The following OPHN1 variants were observed in gnomAD, a reference collection of about 807,000 sequenced individuals.
OPHN1 encodes the protein oligophrenin-1.
A neutral mutation model predicts 60.7 loss-of-function variants in OPHN1; 11 were observed. The ratio of observed to expected loss-of-function variants is 0.18; its 90% CI spans 0.11 to 0.30. OPHN1 has a LOEUF of 0.30. Ranked by LOEUF, OPHN1 falls within the 10% of genes least tolerant of loss-of-function variation. The probability of loss-of-function intolerance (pLI) is 1.00; values close to 1 mark genes in which losing one functional copy is unlikely to be tolerated. For missense variants in OPHN1, 449 were observed against 611.0 expected (o/e 0.73, Z 2.80); for synonymous variants, 226 against 222.6 (o/e 1.02, Z -0.14).
chrX:68,068,230 G>A (rs2076920011), intron 20 of OPHN1, among the ~76,000 whole-genome samples: 1 of 110,399 alleles, frequency 9.1e-6, no homozygotes, highest in South Asian at 3.9e-4. Context: ...CCAGCACTTT[G>A]GGAGGCCGAG....
chrX:68,317,539 A>AAAGAAAG (rs796705961), intron 2 of OPHN1, among the ~76,000 whole-genome samples: 1 of 58,951 alleles, frequency 1.7e-5, no homozygotes, highest in Non-Finnish European at 2.7e-5. Context: ...AAGAAAGAAA[A>AAAGAAAG]AAAGAAAGAA....
chrX:68,206,508 T>C, intron 10 of OPHN1, 65 bp downstream of exon 10: 1 of 811,794 alleles, frequency 1.2e-6, no homozygotes, highest in Non-Finnish European at 1.9e-6. Flanking sequence ...TAGGTCAACA[T>C]ATATTCTTTT....
chrX:68,196,802 C>T (rs1355990460), intron 12 of OPHN1, among the ~76,000 whole-genome samples: 1 of 112,205 alleles, frequency 8.9e-6, no homozygotes, highest in Non-Finnish European at 1.9e-5. Flanking sequence ...TTATTTATAA[C>T]TATGGCAATT....
chrX:68,322,699 A>G (rs2078241336), intron 2 of OPHN1, among the ~76,000 whole-genome samples: 1 of 111,543 alleles, frequency 9.0e-6, no homozygotes, highest in Admixed American at 9.6e-5. Flanking sequence ...AGTCAGAAGA[A>G]TCGCTTGAAT....
intron 19 of OPHN1, among the ~76,000 whole-genome samples, chrX:68,094,051 G>C (rs1426578555): frequency 9.1e-6 from 1 of 110,462 alleles, no homozygotes; most frequent in Non-Finnish European, 1.9e-5. Flanking sequence ...ATATGTAAAT[G>C]TATGATCCTT....
chrX:68,097,075 C>T, intron 18 of OPHN1, 46 bp from the exon 19 acceptor site: 1 of 1,146,182 alleles, frequency 8.7e-7, no homozygotes. Flanking sequence ...GCTCCAGTAT[C>T]CCCTTACAAC....
At chrX:68,111,799 C>A in intron 18 of OPHN1, 55 bp downstream of exon 18, 1 of 843,016 alleles carries the variant, frequency 1.2e-6, no homozygotes, top group South Asian at 2.0e-5. Flanking sequence ...GTAGTCCAAC[C>A]ACATGGGCCA....
Position 68,342,663 on chromosome X carries a change from T to C in OPHN1, c.155-43567A>G, listed in dbSNP as rs772234686. Among the ~76,000 whole-genome samples, 9 of 112,331 alleles carry C rather than the reference T, an allele frequency of 8.0e-5. No homozygotes were observed. In the East Asian group the frequency reaches 2.5e-3, roughly 31 times the overall value. On this transcript the variant is annotated intron_variant, in intron 2 of 24. Transcript: ENST00000355520. ...TTTATATGAAACAGACAATTCAGGC[T>C]GGATGTGGTGGCTCCCATCTGCAAT...
intron 3 of OPHN1, among the ~76,000 whole-genome samples, chrX:68,285,382 GT>G (rs2078036833): frequency 9.0e-6 from 1 of 111,495 alleles, no homozygotes; most frequent in African/African-American, 3.3e-5. Flanking sequence ...TCCAAACACT[GT>G]TTTAGCAGCA....
chrX:68,268,995 A>C (rs1306803994), intron 5 of OPHN1, among the ~76,000 whole-genome samples: 1 of 111,560 alleles, frequency 9.0e-6, no homozygotes, highest in African/African-American at 3.3e-5. Context: ...CAATTGCTTC[A>C]AAGAGAATAA....
intron 6 of OPHN1, among the ~76,000 whole-genome samples, chrX:68,221,180 T>G (rs1420316313): frequency 1.2e-4 from 8 of 65,302 alleles, no homozygotes; most frequent in African/African-American, 2.5e-4. Context: ...CATTCACAAT[T>G]GCTTCAAAGA....
chrX:68,111,506 A>G lies in OPHN1; in HGVS notation c.1526+348T>C, dbSNP rs987715077. 4.4e-5 allele frequency among the ~76,000 whole-genome samples: 5 copies of G among 112,575 alleles called. No homozygotes were observed. In the Admixed American group the frequency reaches 4.7e-4, roughly 11 times the overall value. Reference sequence around the variant, plus strand: ...AATCCACACAACTGGCCTTCATTGTAGGGATTGTGCAGATGACCAAACAGA... The same window carrying G: ...AATCCACACAACTGGCCTTCATTGTGGGGATTGTGCAGATGACCAAACAGA... On this transcript the variant is annotated intron_variant, in intron 18 of 24. Coordinates refer to ENST00000355520, the MANE Select transcript of OPHN1 (RefSeq NM_002547.3).
intron 5 of OPHN1, among the ~76,000 whole-genome samples, chrX:68,241,678 G>A (rs1429758807): frequency 8.9e-6 from 1 of 111,745 alleles, no homozygotes; most frequent in African/African-American, 3.3e-5. Flanking sequence ...CCAGGACTTT[G>A]GGAGGCTGAG....
At chrX:68,263,563 T>C (rs1316962253) in intron 5 of OPHN1, among the ~76,000 whole-genome samples, 1 of 112,148 alleles carries the variant, frequency 8.9e-6, no homozygotes, top group Admixed American at 9.5e-5. Flanking sequence ...ATTTAGTGCA[T>C]ATTATTTGCC....
At chrX:68,280,218 TGTGA>T (rs1251061808) in intron 4 of OPHN1, among the ~76,000 whole-genome samples, 2 of 111,948 alleles carry the variant, frequency 1.8e-5, no homozygotes, top group East Asian at 2.8e-4. Context: ...AGCAGAATCC[TGTGA>T]GTAACTAAAG....
chrX:68,231,860 C>A (rs1188630950), intron 6 of OPHN1, among the ~76,000 whole-genome samples: 2 of 111,504 alleles, frequency 1.8e-5, no homozygotes, highest in Non-Finnish European at 3.8e-5. Flanking sequence ...TATGGTAATG[C>A]TGGATATATG....
intron 2 of OPHN1, among the ~76,000 whole-genome samples, chrX:68,374,961 C>CTAA (rs2078548868): frequency 8.9e-6 from 1 of 111,992 alleles, no homozygotes; most frequent in African/African-American, 3.2e-5. Context: ...AACAAAGTGG[C>CTAA]CATACCATGT....
intron 2 of OPHN1, among the ~76,000 whole-genome samples, chrX:68,329,273 TG>T (rs2078283359): frequency 8.9e-6 from 1 of 112,013 alleles, no homozygotes; most frequent in African/African-American, 3.2e-5. Flanking sequence ...TATTTGTTGG[TG>T]TAAGTATAAA....
intron 18 of OPHN1, among the ~76,000 whole-genome samples, chrX:68,101,509 G>T (rs373480234): frequency 8.9e-6 from 1 of 112,168 alleles, no homozygotes; most frequent in Non-Finnish European, 1.9e-5. Context: ...CATGTATAAC[G>T]TATTAGTTAT....
Sources: gnomAD v4.1 joint callset for allele counts (sites outside exome capture counted in the v4.1 genomes callset) on GRCh38, gnomAD v4.1.1 for gene constraint, MANE v1.5 for transcripts, NCBI Gene and HGNC (gene_info 2026-07-23, HGNC 2026-07-21) for gene names.